Variants in ABHD12 observed in about 807,000 individuals in gnomAD.
ABHD12 encodes the protein lysophosphatidylserine lipase ABHD12.
ABHD12 carries 43 observed loss-of-function variants against 58.3 expected under a neutral mutation model. The ratio of observed to expected loss-of-function variants is 0.74; its 90% CI spans 0.58 to 0.95. The LOEUF (loss-of-function observed/expected upper bound fraction) is 0.95, where lower values mean the gene tolerates loss of function less well. ABHD12 is among the 40% of genes least tolerant of loss of function. The pLI is 0.00. For synonymous variants in ABHD12, 219 were observed against 211.2 expected, an observed-to-expected ratio of 1.04 and a Z score of -0.32; for missense variants, 539 against 537.2, an observed-to-expected ratio of 1.00 and a Z score of -0.03.
At chr20:25,390,485 C>G (rs764202194) in intron 1 of ABHD12, 28 bp downstream of exon 1, 10 of 1,252,820 alleles carry the variant, frequency 8.0e-6, no homozygotes, top group Non-Finnish European at 9.3e-6. Flanking sequence ...CGGCCCCCCC[C>G]CCCCCCCCGC....
intron 1 of ABHD12, among the ~76,000 whole-genome samples, chr20:25,366,423 T>C (rs1320819456): frequency 3.3e-5 from 5 of 152,098 alleles, no homozygotes; most frequent in African/African-American, 1.2e-4. Flanking sequence ...TGTGCCAACA[T>C]GCCTGGCTAG....
In ABHD12 at chr20:25,302,229, G is replaced by T; in HGVS notation, c.1147C>A (p.Arg383=). ...AAGAGAATGTCTCACCTCAGTATCC[G>T]TGGCAGCTCAGGGCTCTTGTAAATG... ...KYIYKSPELP[R]ILREFLGKSE... The change falls in exon 12 of 13, where the codon CGG becomes AGG. Residue 383 remains arginine (R), a synonymous_variant. Coordinates refer to ENST00000339157, the MANE Select transcript of ABHD12 (RefSeq NM_001042472.3). 1 of 1,613,402 alleles carries T rather than the reference G, an allele frequency of 6.2e-7. No individual in the cohort carries two copies. The highest frequency in any genetic ancestry group is 8.5e-7 in the Non-Finnish European group (1 of 1,179,954).
At chr20:25,302,197 G>C (rs1410187230) in intron 12 of ABHD12, 22 bp downstream of exon 12, 6 of 1,612,542 alleles carry the variant, frequency 3.7e-6, no homozygotes, top group Non-Finnish European at 5.1e-6. Flanking sequence ...CGAAGCCCCT[G>C]GGTGGGAAGA....
chr20:25,314,489 G>A (rs2088922918), intron 6 of ABHD12, among the ~76,000 whole-genome samples: 1 of 151,940 alleles, frequency 6.6e-6, no homozygotes, highest in Non-Finnish European at 1.5e-5. Flanking sequence ...ACTAGCCTAG[G>A]CAACACAGCG....
At position 25,322,381 on chromosome 20, in the gene ABHD12, A is replaced by ATATTTTTTT; in HGVS notation, c.422+943_422+944insAAAAAAATA. Reference sequence around the variant, plus strand: ...GGAAAAGATATATATATATATATATATTTTTTTTTTTTTTTGAGACAAGAG... The same window carrying ATATTTTTTT: ...GGAAAAGATATATATATATATATATATATTTTTTTTTTTTTTTTTTTTTTGAGACAAGAG... On this transcript the variant is annotated intron_variant, in intron 3 of 12. Transcript: ENST00000339157. Among the ~76,000 whole-genome samples the ATATTTTTTT allele has an allele frequency of 2.9e-4, 17 of 59,248 alleles. 2 individuals carry two copies. Among genetic ancestry groups the ATATTTTTTT allele is most frequent in the Non-Finnish European group, 4.1e-4 (13 of 31,338 alleles). The allele number at this position is 59,248 out of a possible 152,430, so 38.9% of individuals were successfully genotyped here.
In ABHD12 at chr20:25,331,273, C is replaced by T. The variant is rs576259608; in HGVS notation, c.317-7843G>A. Among the ~76,000 whole-genome samples, 1,009 of 152,138 alleles carry T rather than the reference C, an allele frequency of 6.6e-3. 16 individuals carry two copies. The highest frequency in any genetic ancestry group is 0.023 in the African/African-American group (964 of 41,508). On this transcript the variant is annotated intron_variant, in intron 2 of 12. Coordinates refer to ENST00000339157, the MANE Select transcript of ABHD12 (RefSeq NM_001042472.3). ...TTAGAGAAAAAAGAATAAAAAGAAA[C>T]GAGTAAAGCCTCCAAGAAATATGGG...
At chr20:25,331,323 G>A (rs1327471583) in intron 2 of ABHD12, among the ~76,000 whole-genome samples, 10 of 152,146 alleles carry the variant, frequency 6.6e-5, no homozygotes, top group African/African-American at 1.9e-4. Context: ...CCAAATCTAC[G>A]TCTGATTGGT....
chr20:25,295,472 G>T, downstream of ABHD12: 1 of 1,005,106 alleles, frequency 9.9e-7, no homozygotes, highest in South Asian at 1.4e-5. Context: ...GACCAGCTGC[G>T]TGGGTGGGCC....
rs751917613 is a variant in ABHD12 at position 25,339,317 on chromosome 20, G to T, written c.226C>A (p.Leu76Ile). ...KGVWLRLRKI[L>I]FCVLGLYIAI... ...ATGTACAACCCCAAAACACAGAAAA[G>T]TATCTTCCTCAGGCGCAACCACACG... Residue 76 changes from leucine (L) to isoleucine (I), a missense_variant, in exon 2 of 13, where the codon CTT becomes ATT. By Grantham distance (5) the Leu-to-Ile change is conservative. Coordinates refer to ENST00000339157, the MANE Select transcript of ABHD12 (RefSeq NM_001042472.3). 6.2e-7 allele frequency: 1 copy of T among 1,614,032 alleles called. No homozygotes were observed. Among genetic ancestry groups the T allele is most frequent in the Non-Finnish European group, 8.5e-7 (1 of 1,180,036 alleles).
At chr20:25,317,179 G>T in intron 4 of ABHD12, 101 bp from the exon 5 acceptor site, 1 of 776,224 alleles carries the variant, frequency 1.3e-6, no homozygotes, top group East Asian at 2.6e-5. Context: ...GCCAATGAAA[G>T]AGGGCAGAAC....
intron 2 of ABHD12, among the ~76,000 whole-genome samples, chr20:25,325,418 A>G (rs1164563462): frequency 1.3e-5 from 2 of 152,108 alleles, no homozygotes; most frequent in Non-Finnish European, 2.9e-5. Context: ...TAAGAGTGTG[A>G]CCTTACTTGG....
downstream of ABHD12, chr20:25,298,122 G>A (rs926878730): frequency 3.3e-5 from 5 of 152,270 alleles, no homozygotes; most frequent in African/African-American, 1.2e-4. Context: ...GTGCAGGGAT[G>A]AGACCTGCAA....
At position 25,294,816 on chromosome 20, in the gene ABHD12, T is replaced by A. The variant is rs901422078; in HGVS notation, c.*157A>T. ...GTATGGTTTATCTAGAGTTACAGAC[T>A]TTGTAAGGTTTGCAGCTCAGGGCAG... On this transcript the variant is annotated 3_prime_UTR_variant, in exon 13 of 13. Coordinates refer to the ABHD12 transcript ENST00000376542. The A allele has an allele frequency of 7.7e-6, 6 of 775,936 alleles. No individual in the cohort carries two copies. The African/African-American group carries it at 1.0e-4, about 13-fold the overall frequency. 48.1% of individuals were successfully genotyped at this position (775,936 alleles called of 1,614,324 possible). A position where few individuals can be genotyped will look rare whatever the true frequency, so the allele number is the denominator to read the frequency against.
intron 3 of ABHD12, among the ~76,000 whole-genome samples, chr20:25,322,103 G>C (rs2089076734): frequency 6.6e-6 from 1 of 152,040 alleles, no homozygotes; most frequent in African/African-American, 2.4e-5. Flanking sequence ...ACTTCTCAGA[G>C]AAAAACGGAA....
In ABHD12 at chr20:25,308,955, G is replaced by A. The variant is rs930460574; in HGVS notation, c.750-461C>T. On this transcript the variant is annotated intron_variant, in intron 7 of 12. Coordinates refer to ENST00000339157, the MANE Select transcript of ABHD12 (RefSeq NM_001042472.3). ...CCAGCCTACAAGAGGCCATTCAGGT[G>A]TTGGGAGAAGGGCTGCCCCGAAGGG... is the stretch of plus-strand genomic sequence containing the variant. Among the ~76,000 whole-genome samples, 3 of 152,220 alleles carry A rather than the reference G, an allele frequency of 2.0e-5. No individual in the cohort carries two copies. The East Asian group carries it at 5.8e-4, about 29-fold the overall frequency.
chr20:25,333,676 C>G lies in ABHD12; in HGVS notation c.316+5551G>C, dbSNP rs1446102811. Among the ~76,000 whole-genome samples, 13 of 151,748 alleles carry G rather than the reference C, an allele frequency of 8.6e-5. No individual in the cohort carries two copies. In the South Asian group the frequency reaches 1.0e-3, roughly 12 times the overall value. On this transcript the variant is annotated intron_variant, in intron 2 of 12. Transcript: ENST00000339157. ...ATATACGCAAATCAATAAATGTAAT[C>G]CAGCATATAAACAGAACCAAAGACA...
chr20:25,317,773 T>G (rs1351113220), intron 4 of ABHD12, among the ~76,000 whole-genome samples: 2 of 152,190 alleles, frequency 1.3e-5, no homozygotes, highest in Admixed American at 6.5e-5. Context: ...CCATTTGTAC[T>G]TCCTTGTCTG....
At chr20:25,320,665 T>A (rs564712743) in intron 3 of ABHD12, among the ~76,000 whole-genome samples, 21 of 152,368 alleles carry the variant, frequency 1.4e-4, no homozygotes, top group Admixed American at 1.4e-3. Context: ...AATAGCATTT[T>A]CCTCATACGT....
At chr20:25,308,731 T>C (rs1229798616) in intron 7 of ABHD12, among the ~76,000 whole-genome samples, 3 of 152,134 alleles carry the variant, frequency 2.0e-5, no homozygotes, top group Non-Finnish European at 4.4e-5. Context: ...CCCCGAGGTG[T>C]GTCCTGCTGC....
Sources: allele counts gnomAD v4.1 joint callset (sites outside exome capture counted in the v4.1 genomes callset), GRCh38; gene constraint gnomAD v4.1.1; transcripts MANE v1.5; gene names NCBI Gene and HGNC (gene_info 2026-07-23, HGNC 2026-07-21).